ITGA4: variants seen among roughly 807,000 people sequenced by gnomAD.
The protein encoded by ITGA4 is integrin alpha-4.
In ITGA4, 63 loss-of-function variants were observed where a neutral mutation model predicts 133.6. That is an observed-to-expected ratio of 0.47 (90% CI 0.38 to 0.58). The LOEUF (loss-of-function observed/expected upper bound fraction) is 0.58, where lower values mean the gene tolerates loss of function less well. ITGA4 is among the 20% of genes least tolerant of loss of function. The probability of loss-of-function intolerance (pLI) is 0.00; values close to 1 mark genes in which losing one functional copy is unlikely to be tolerated. For synonymous variants in ITGA4, 483 were observed against 438.0 expected (o/e 1.10, Z -1.28); for missense variants, 1,076 against 1,252.7 (o/e 0.86, Z 2.13).
intron 5 of ITGA4, chr2:181,479,048 C>A (rs565353870): frequency 3.0e-6 from 1 of 328,180 alleles, no homozygotes; most frequent in East Asian, 4.7e-5. Flanking sequence ...GAATGAAAAT[C>A]TATACTAAAG....
chr2:181,458,258 C>T lies in ITGA4; in HGVS notation c.260C>T (p.Ala87Val). The T allele has an allele frequency of 6.2e-7, 1 of 1,613,422 alleles. No homozygotes were observed. The highest frequency in any genetic ancestry group is 1.3e-5 in the African/African-American group (1 of 75,002). ...LANASVINPG[A>V]IYRCRIGKNP... ...AACGCTTCAGTGATCAATCCCGGGG[C>T]GATTTACAGATGCAGGATCGGAAAG... Residue 87 changes from alanine to valine, a missense_variant, in exon 2 of 28, where the codon GCG (alanine) becomes GTG (valine). Physicochemically the swap from Ala to Val is moderately conservative, Grantham distance 64 (BLOSUM62 0). This residue lies in a region of ITGA4 where 436 missense variants were observed against 590.7 expected (regional missense o/e 0.74). Coordinates refer to ENST00000397033, the MANE Select transcript of ITGA4 (RefSeq NM_000885.6).
At chr2:181,464,155 A>G (rs1685356183) in intron 2 of ITGA4, among the ~76,000 whole-genome samples, 1 of 152,124 alleles carries the variant, frequency 6.6e-6, no homozygotes, top group South Asian at 2.1e-4. Flanking sequence ...TCTGACATTA[A>G]CCTGATTAAA....
chr2:181,475,926 A>C (rs1255507226), intron 4 of ITGA4: 2 of 1,512,090 alleles, frequency 1.3e-6, no homozygotes, highest in Non-Finnish European at 1.8e-6. Flanking sequence ...AAAATCCAAC[A>C]ATGCGTCTTT....
chr2:181,473,355 G>A (rs1188451167), intron 2 of ITGA4, among the ~76,000 whole-genome samples: 19 of 152,190 alleles, frequency 1.2e-4, no homozygotes, highest in Admixed American at 1.2e-3. Flanking sequence ...AGAATCTAAT[G>A]CCAGATGATC....
chr2:181,510,181 C>T (rs1224427031), intron 16 of ITGA4, among the ~76,000 whole-genome samples: 2 of 152,004 alleles, frequency 1.3e-5, no homozygotes, highest in African/African-American at 2.4e-5. Context: ...TCATTTTCTC[C>T]CTTGCTTTCA....
intron 21 of ITGA4, among the ~76,000 whole-genome samples, chr2:181,526,637 G>A (rs1011875212): frequency 2.0e-5 from 3 of 151,898 alleles, no homozygotes; most frequent in Admixed American, 6.6e-5. Flanking sequence ...ATAAATTGAG[G>A]TATGAGAACC....
chr2:181,536,659 G>C lies in ITGA4; in HGVS notation c.*1132G>C, dbSNP rs1687113139. ...ATTTGTATACAGTGAATATAAATGA[G>C]ACGACAGCAAAATTTTCATGAAATG... On this transcript the variant is annotated 3_prime_UTR_variant, in exon 28 of 28. Coordinates refer to ENST00000397033, the MANE Select transcript of ITGA4 (RefSeq NM_000885.6). 1.1e-5 allele frequency: 2 copies of C among 182,096 alleles called. No individual in the cohort carries two copies. Among genetic ancestry groups the C allele is most frequent in the South Asian group, 2.0e-4 (2 of 9,790 alleles). The allele number at this position is 182,096 out of a possible 1,614,324, so 11.3% of individuals were successfully genotyped here.
intron 2 of ITGA4, among the ~76,000 whole-genome samples, chr2:181,461,323 C>CAT (rs1009877310): frequency 6.6e-6 from 1 of 150,864 alleles, no homozygotes; most frequent in African/African-American, 2.4e-5. Context: ...TTTCTTCCTG[C>CAT]ATATATATTG....
In ITGA4 at chr2:181,498,675, A is replaced by G. The variant is rs1686206566; in HGVS notation, c.1593A>G (p.Pro531=). ...LDVNRKAESP[P]RFYFSSNGTS... The stretch of plus-strand genomic sequence containing the variant: ...TGAACAGAAAGGCAGAGTCTCCACC[A>G]AGATTCTATTTCTCTTCTAATGGAA... Residue 531 remains proline, a synonymous_variant, in exon 15 of 28, where the codon CCA becomes CCG. Transcript: ENST00000397033. The G allele has an allele frequency of 6.2e-7, 1 of 1,612,050 alleles. No individual in the cohort carries two copies. Among genetic ancestry groups the G allele is most frequent in the Non-Finnish European group, 8.5e-7 (1 of 1,178,458 alleles).
intron 17 of ITGA4, among the ~76,000 whole-genome samples, chr2:181,519,457 T>A (rs2105762953): frequency 6.6e-6 from 1 of 152,258 alleles, no homozygotes; most frequent in African/African-American, 2.4e-5. Context: ...CTCTGATAAG[T>A]TTAAAATAGA....
At chr2:181,457,301 C>A (rs1204907176), upstream of ITGA4, 1 of 232,574 alleles carries the variant, frequency 4.3e-6, no homozygotes, top group East Asian at 1.4e-4. Flanking sequence ...CCAGCGCCCC[C>A]TGCAGCCGCG....
rs549773513 is a variant in ITGA4, at chr2:181,538,064, G to A, written c.*2537G>A. On this transcript the variant is annotated 3_prime_UTR_variant, in exon 28 of 28. Transcript: ENST00000397033. ...TCCTGAAACCATTCCCCCATCCACG[G>A]AAAAATTGTCTTCCATGAAACTGGT... 5 of 722,140 alleles carry A rather than the reference G, an allele frequency of 6.9e-6. No homozygotes were observed. Among genetic ancestry groups the A allele is most frequent in the Non-Finnish European group, 1.3e-5 (5 of 391,706 alleles). The allele number at this position is 722,140 out of a possible 1,614,324, so 44.7% of individuals were successfully genotyped here. A position where few individuals can be genotyped will look rare whatever the true frequency, so the allele number is the denominator to read the frequency against.
chr2:181,486,044 T>C (rs772387937), intron 10 of ITGA4, 52 bp downstream of exon 10: 2 of 1,540,494 alleles, frequency 1.3e-6, no homozygotes, highest in Non-Finnish European at 8.7e-7. Flanking sequence ...AAATGGTTTA[T>C]GGAAGAAAAT....
Position 181,531,727 on chromosome 2 carries a change from A to C in ITGA4, c.2735A>C (p.Glu912Ala), listed in dbSNP as rs369946607. The stretch of plus-strand genomic sequence containing the variant: ...TTTGGGAAAATGGAAAGTGGAAAAG[A>C]AGCCAGTGTTCATATCCAACTGGAA... ...CNFGKMESGK[E>A]ASVHIQLEGR... is the part of the protein sequence containing the mutation. Residue 912 changes from glutamate (E) to alanine (A), a missense_variant, in exon 25 of 28, where the codon GAA (glutamate) becomes GCA (alanine). Transcript: ENST00000397033. 1.2e-6 allele frequency: 2 copies of C among 1,608,826 alleles called. No homozygotes were observed. Among genetic ancestry groups the C allele is most frequent in the East Asian group, 2.2e-5 (1 of 44,576 alleles).
chr2:181,465,013 T>A (rs1430375525), intron 2 of ITGA4, among the ~76,000 whole-genome samples: 1 of 152,124 alleles, frequency 6.6e-6, no homozygotes, highest in Non-Finnish European at 1.5e-5. Context: ...AGAAAATAGA[T>A]TGTAGACTTA....
chr2:181,537,580 CTGTATTATATT>C lies in ITGA4; in HGVS notation c.*2058_*2068del, dbSNP rs781175960. ...GTGAATCAAGGCAGACTTATGAAAT[CTGTATTATATT>C]TGTAACAGAATATAGGAAATTTAAC... On this transcript the variant is annotated 3_prime_UTR_variant, in exon 28 of 28. Transcript: ENST00000397033. The C allele has an allele frequency of 2.3e-6, 1 of 430,238 alleles. No individual in the cohort carries two copies. The highest frequency in any genetic ancestry group is 1.7e-5 in the South Asian group (1 of 60,008). The allele number at this position is 430,238 out of a possible 1,614,324, so 26.7% of individuals were successfully genotyped here. A position where few individuals can be genotyped will look rare whatever the true frequency, so the allele number is the denominator to read the frequency against.
intron 2 of ITGA4, chr2:181,459,517 G>GT (rs1685215212): frequency 6.6e-6 from 1 of 152,194 alleles, no homozygotes; most frequent in Non-Finnish European, 1.5e-5. Flanking sequence ...TTCAGATAGA[G>GT]TATAAACATA....
chr2:181,493,160 A>T (rs950749353), intron 10 of ITGA4, 165 bp from the exon 11 acceptor site: 1 of 564,942 alleles, frequency 1.8e-6, no homozygotes, highest in African/African-American at 1.9e-5. Flanking sequence ...GCAATCCTGT[A>T]TATGATGATG....
At chr2:181,512,602 GA>G (rs1686528130) in intron 17 of ITGA4, among the ~76,000 whole-genome samples, 1 of 152,058 alleles carries the variant, frequency 6.6e-6, no homozygotes, top group Non-Finnish European at 1.5e-5. Context: ...GAATTAAAGA[GA>G]ACCAAGTCCC....
Sources: allele counts gnomAD v4.1 joint callset (sites outside exome capture counted in the v4.1 genomes callset), GRCh38; gene constraint gnomAD v4.1.1; regional missense constraint gnomAD v4.1.1; transcripts MANE v1.5; gene names NCBI Gene and HGNC (gene_info 2026-07-23, HGNC 2026-07-21).